QSOX2: variants seen among roughly 807,000 people sequenced by gnomAD.
The protein encoded by QSOX2 is quiescin sulfhydryl oxidase 2, also known as sulfhydryl oxidase 2.
Under a neutral mutation model 61.7 loss-of-function variants are expected in QSOX2, and 46 were observed. The observed-to-expected ratio is 0.75, with a 90% CI of 0.59 to 0.95. QSOX2 has a LOEUF of 0.95. QSOX2 is among the 40% of genes least tolerant of loss of function. QSOX2 has a pLI of 0.00. For missense variants in QSOX2, 879 were observed against 918.9 expected (o/e 0.96, Z 0.56); for synonymous variants, 383 against 388.4 (o/e 0.99, Z 0.16).
intron 1 of QSOX2, among the ~76,000 whole-genome samples, chr9:136,236,748 G>A (rs1292055424): frequency 1.3e-5 from 2 of 151,810 alleles, no homozygotes; most frequent in Non-Finnish European, 2.9e-5. Flanking sequence ...GTCACCTGGA[G>A]CCCGTCCTGG....
rs1405754250 is a variant in QSOX2, at chr9:136,207,356, C to T, written c.*1372G>A. 1.7e-5 allele frequency: 2 copies of T among 121,030 alleles called. No homozygotes were observed. The highest frequency in any genetic ancestry group is 6.3e-5 in the African/African-American group (2 of 31,808). The allele number at this position is 121,030 out of a possible 1,614,324, so 7.5% of individuals were successfully genotyped here. ...TATCTACAACCGTCAAAGTCTCTCT[C>T]TCTCTCATACACACACACACACACA... On this transcript the variant is annotated 3_prime_UTR_variant, in exon 12 of 12. Transcript: ENST00000358701.
chr9:136,232,205 G>A (rs530096134), intron 1 of QSOX2, among the ~76,000 whole-genome samples: 4 of 152,248 alleles, frequency 2.6e-5, no homozygotes, highest in Middle Eastern at 3.4e-3. Context: ...TGCACTTCGC[G>A]TGGCAGTTTG....
At chr9:136,229,604 G>T (rs1029170429) in intron 1 of QSOX2, among the ~76,000 whole-genome samples, 3 of 152,156 alleles carry the variant, frequency 2.0e-5, no homozygotes, top group African/African-American at 7.2e-5. Flanking sequence ...CAGAATCACG[G>T]CCGTGTGACA....
intron 1 of QSOX2, among the ~76,000 whole-genome samples, chr9:136,235,743 C>T (rs981354131): frequency 2.0e-5 from 3 of 152,202 alleles, no homozygotes; most frequent in African/African-American, 7.2e-5. Flanking sequence ...CCAGGCGACC[C>T]GTGGAGCTCT....
chr9:136,207,315 G>A lies in QSOX2; in HGVS notation c.*1413C>T, dbSNP rs1202724986. On this transcript the variant is annotated 3_prime_UTR_variant, in exon 12 of 12. Coordinates refer to ENST00000358701, the MANE Select transcript of QSOX2 (RefSeq NM_181701.4). ...ACACATGATTATACAACATAAAGTA[G>A]GCAAAGCGGAAAAAATATCTACAAC... The A allele has an allele frequency of 6.6e-6, 1 of 151,602 alleles. No individual in the cohort carries two copies. Among genetic ancestry groups the A allele is most frequent in the African/African-American group, 2.4e-5 (1 of 41,096 alleles). 9.4% of individuals were successfully genotyped at this position (151,602 alleles called of 1,614,324 possible). A position where few individuals can be genotyped will look rare whatever the true frequency, so the allele number is the denominator to read the frequency against.
chr9:136,238,363 G>A (rs950768473), intron 1 of QSOX2, among the ~76,000 whole-genome samples: 1 of 152,170 alleles, frequency 6.6e-6, no homozygotes, highest in East Asian at 1.9e-4. Flanking sequence ...GCTCCAAGAA[G>A]ACAAGACATG....
At position 136,209,672 on chromosome 9, in the gene QSOX2, C is replaced by T. The variant is rs75003752; in HGVS notation, c.1550-397G>A. ...CTGTGTGCCCCTCCCCCCACTGCTG[C>T]CCCTCTGCCCTTTCCTGAGGGTGCA... On this transcript the variant is annotated intron_variant, in intron 11 of 11. Coordinates refer to ENST00000358701, the MANE Select transcript of QSOX2 (RefSeq NM_181701.4). This position sits in a 1 kb window ranked among gnomAD's most constrained non-coding sequence, Gnocchi z 5.6. 1.0e-6 allele frequency: 1 copy of T among 985,122 alleles called. No homozygotes were observed. Among genetic ancestry groups the T allele is most frequent in the Non-Finnish European group, 1.2e-6 (1 of 829,824 alleles). The allele number at this position is 985,122 out of a possible 1,614,324, so 61.0% of individuals were successfully genotyped here. A position where few individuals can be genotyped will look rare whatever the true frequency, so the allele number is the denominator to read the frequency against.
chr9:136,211,136 G>C (rs1022213196), intron 11 of QSOX2, 128 bp downstream of exon 11: 1 of 1,046,716 alleles, frequency 9.6e-7, no homozygotes, highest in Admixed American at 2.3e-5. Context: ...GATCCCGTCA[G>C]CACAGTGGGT....
intron 10 of QSOX2, among the ~76,000 whole-genome samples, chr9:136,211,789 A>C (rs896890943): frequency 6.6e-6 from 1 of 152,156 alleles, no homozygotes; most frequent in Non-Finnish European, 1.5e-5. Flanking sequence ...ACCTCCCACC[A>C]GTCTTCCAGC....
chr9:136,232,570 T>TCA (rs1366043518), intron 1 of QSOX2, among the ~76,000 whole-genome samples: 1 of 152,098 alleles, frequency 6.6e-6, no homozygotes, highest in African/African-American at 2.4e-5. Flanking sequence ...GCATCAAAAC[T>TCA]CACACACGCA....
intron 11 of QSOX2, chr9:136,210,988 C>T: frequency 1.3e-6 from 1 of 769,856 alleles, no homozygotes; most frequent in South Asian, 5.9e-5. Context: ...CCAGTGGGTA[C>T]CGATGGGGGA....
intron 11 of QSOX2, 75 bp downstream of exon 11, chr9:136,211,189 G>A (rs548075912): frequency 1.1e-5 from 17 of 1,480,908 alleles, no homozygotes; most frequent in Middle Eastern, 2.1e-4. Flanking sequence ...CACGGCAGCC[G>A]TGCCGTCCTT....
chr9:136,207,348 GTC>G lies in QSOX2; in HGVS notation c.*1378_*1379del, dbSNP rs796300546. 92 of 131,748 alleles carry G rather than the reference GTC, an allele frequency of 7.0e-4. 1 individual carries two copies. In the East Asian group the frequency reaches 0.013, roughly 19 times the overall value. The allele number at this position is 131,748 out of a possible 1,614,324, so 8.2% of individuals were successfully genotyped here. ...GGAAAAAATATCTACAACCGTCAAA[GTC>G]TCTCTCTCTCTCATACACACACACA... On this transcript the variant is annotated 3_prime_UTR_variant, in exon 12 of 12. Coordinates refer to ENST00000358701, the MANE Select transcript of QSOX2 (RefSeq NM_181701.4).
At chr9:136,241,110 G>C (rs984227435) in intron 1 of QSOX2, among the ~76,000 whole-genome samples, 4 of 152,202 alleles carry the variant, frequency 2.6e-5, no homozygotes, top group Non-Finnish European at 5.9e-5. Flanking sequence ...AGCCACTGGG[G>C]AGGCCAGCGG....
chr9:136,221,752 A>C lies in QSOX2; in HGVS notation c.821+44T>G. On this transcript the variant is annotated intron_variant, in intron 6 of 11. Transcript: ENST00000358701. The surrounding 1 kb of genome is among the most constrained non-coding windows in gnomAD (Gnocchi z 4.5). ...GTCTACTCGGAGCCTCTGTCCGGTA[A>C]CTCCGAGCGGCACGGAGTTCCCAGA... is the stretch of plus-strand genomic sequence containing the variant. The C allele has an allele frequency of 6.5e-7, 1 of 1,542,234 alleles. No individual in the cohort carries two copies. The highest frequency in any genetic ancestry group is 1.2e-5 in the South Asian group (1 of 80,374).
chr9:136,218,743 G>T lies in QSOX2; in HGVS notation c.1022C>A (p.Ala341Asp), dbSNP rs754275770. The T allele has an allele frequency of 6.2e-7, 1 of 1,613,668 alleles. No homozygotes were observed. Among genetic ancestry groups the T allele is most frequent in the South Asian group, 1.1e-5 (1 of 91,080 alleles). ...LHYLLRVELA[A>D]HKSLAGAELK... ...CTCTGCTCCGGCCAGGGACTTGTGG[G>T]CTGCCAGCTCCACCCGCAGGAGGTA... The change falls in exon 8 of 12, where the codon GCC (alanine) becomes GAC (aspartate). Residue 341 changes from alanine (A) to aspartate (D), a missense_variant. By Grantham distance (126) the Ala-to-Asp change is moderately radical (BLOSUM62 -2). Transcript: ENST00000358701.
Position 136,236,630 on chromosome 9 carries a change from C to G in QSOX2, c.328+8846G>C, listed in dbSNP as rs150920928. Among the ~76,000 whole-genome samples the G allele has an allele frequency of 7.8e-3, 1,186 of 152,362 alleles. 7 individuals are homozygous for G. Among genetic ancestry groups the G allele is most frequent in the Non-Finnish European group, 0.013 (877 of 68,030 alleles). On this transcript the variant is annotated intron_variant, in intron 1 of 11. Transcript: ENST00000358701. ...CTTGACACCTCTGATAAATAAAATA[C>G]CGGGTGAATTCCCAGCGTCAGGAGT... is the stretch of plus-strand genomic sequence containing the variant.
In QSOX2 at chr9:136,220,749, C is replaced by T. The variant is rs138025700; in HGVS notation, c.821+1047G>A. 7.2e-3 allele frequency among the ~76,000 whole-genome samples: 1,099 copies of T among 151,626 alleles called. 12 individuals carry two copies. The highest frequency in any genetic ancestry group is 0.025 in the African/African-American group (1,042 of 41,326). ...TTTTTGAGATGGAGTCTGACTCTGT[C>T]GCCCAGGCTGGAGTGCGGTGACAGG... On this transcript the variant is annotated intron_variant, in intron 6 of 11. Transcript: ENST00000358701.
chr9:136,218,920 G>A (rs900338784), intron 7 of QSOX2, 110 bp downstream of exon 7: 2 of 1,571,012 alleles, frequency 1.3e-6, no homozygotes, highest in Admixed American at 1.8e-5. Flanking sequence ...GGGCTCCTGA[G>A]CGGCCCTCAC....
Sources: gnomAD v4.1 joint callset for allele counts (sites outside exome capture counted in the v4.1 genomes callset) on GRCh38, gnomAD v4.1.1 for gene constraint, Gnocchi (gnomAD v3.1) non-coding constraint, MANE v1.5 for transcripts, NCBI Gene and HGNC (gene_info 2026-07-23, HGNC 2026-07-21) for gene names.